The following GAB1 variants were observed in gnomAD, a reference collection of about 807,000 sequenced individuals.
The protein encoded by GAB1 is GRB2 associated binding protein 1, also known as GRB2-associated-binding protein 1.
A neutral mutation model predicts 66.5 loss-of-function variants in GAB1; 19 were observed. The observed-to-expected ratio is 0.29, with a 90% CI of 0.20 to 0.42. The LOEUF (loss-of-function observed/expected upper bound fraction) is 0.42, where lower values mean the gene tolerates loss of function less well. Among genes scored for constraint, GAB1 ranks in the 10% least tolerant of loss-of-function variants. The probability of loss-of-function intolerance (pLI) is 1.00; values close to 1 mark genes in which losing one functional copy is unlikely to be tolerated. For synonymous variants in GAB1, 294 were observed against 301.4 expected, an observed-to-expected ratio of 0.98 and a Z score of 0.25; for missense variants, 732 against 858.5, an observed-to-expected ratio of 0.85 and a Z score of 1.84.
At chr4:143,413,908 C>G (rs887108612) in intron 1 of GAB1, among the ~76,000 whole-genome samples, 2 of 146,096 alleles carry the variant, frequency 1.4e-5, no homozygotes, top group Admixed American at 1.4e-4. Context: ...CTGCAACTGC[C>G]AACTCCGGGT....
At chr4:143,402,444 C>T (rs1399115904) in intron 1 of GAB1, among the ~76,000 whole-genome samples, 1 of 152,130 alleles carries the variant, frequency 6.6e-6, no homozygotes, top group Non-Finnish European at 1.5e-5. Context: ...TATCTGTGTT[C>T]CACTTGACTT....
intron 2 of GAB1, among the ~76,000 whole-genome samples, chr4:143,432,642 T>G (rs1191548339): frequency 6.6e-6 from 1 of 152,236 alleles, no homozygotes; most frequent in Non-Finnish European, 1.5e-5. Context: ...ATTTGCCTTT[T>G]TCTGCATTAT....
intron 4 of GAB1, among the ~76,000 whole-genome samples, chr4:143,439,301 A>G (rs970134582): frequency 4.6e-5 from 7 of 152,200 alleles, no homozygotes; most frequent in African/African-American, 1.7e-4. Flanking sequence ...CACATATCCT[A>G]AACAGTATGT....
chr4:143,337,503 C>T (rs916986591), intron 1 of GAB1, among the ~76,000 whole-genome samples: 2 of 152,238 alleles, frequency 1.3e-5, no homozygotes, highest in Non-Finnish European at 2.9e-5. Context: ...CTTTGCGGGC[C>T]TGTTCGCCCC....
At chr4:143,399,301 T>A (rs1052265301) in intron 1 of GAB1, among the ~76,000 whole-genome samples, 1 of 152,180 alleles carries the variant, frequency 6.6e-6, no homozygotes, top group Non-Finnish European at 1.5e-5. Context: ...AAGGCAATGA[T>A]CAAAAGTCCA....
chr4:143,337,327 G>C (rs1382846793), intron 1 of GAB1, 67 bp downstream of exon 1: 2 of 1,399,234 alleles, frequency 1.4e-6, no homozygotes, highest in African/African-American at 1.4e-5. Context: ...TCGGCTCGCC[G>C]GCGGCTGCAG....
At chr4:143,405,523 C>T (rs571878751) in intron 1 of GAB1, among the ~76,000 whole-genome samples, 20 of 152,174 alleles carry the variant, frequency 1.3e-4, no homozygotes, top group African/African-American at 4.8e-4. Context: ...ATCCATTATA[C>T]CTGAAGGCCA....
At chr4:143,395,367 G>T (rs2149692048) in intron 1 of GAB1, 1 of 154,606 alleles carries the variant, frequency 6.5e-6, no homozygotes, top group Non-Finnish European at 1.4e-5. Context: ...CAGGTTAAAT[G>T]TAATCTTTAT....
intron 1 of GAB1, 119 bp from the exon 2 acceptor site, chr4:143,415,358 C>T: frequency 1.3e-6 from 1 of 782,866 alleles, no homozygotes; most frequent in Non-Finnish European, 2.0e-6. Flanking sequence ...CACACAAACA[C>T]ACACATATTG....
intron 8 of GAB1, among the ~76,000 whole-genome samples, chr4:143,461,905 A>G (rs895987564): frequency 6.6e-6 from 1 of 152,214 alleles, no homozygotes; most frequent in Non-Finnish European, 1.5e-5. Flanking sequence ...GTCAGGAAAC[A>G]TAATTCAGTG....
intron 2 of GAB1, among the ~76,000 whole-genome samples, chr4:143,416,733 C>T (rs1732711655): frequency 6.6e-6 from 1 of 152,168 alleles, no homozygotes. Context: ...ACAATTGCAC[C>T]ATTCCACTCC....
rs544500549 is a variant in GAB1, at chr4:143,450,902, A to C, written c.1586-8483A>C. ...CAAGACTGCATCTCAAAAAAAAAAA[A>C]CAAAAAATGTGTGAGATTGATCAGG... On this transcript the variant is annotated intron_variant, in intron 6 of 9. Transcript: ENST00000262994. 3.4e-3 allele frequency among the ~76,000 whole-genome samples: 510 copies of C among 148,188 alleles called. 3 individuals are homozygous for C. The highest frequency in any genetic ancestry group is 3.8e-3 in the Admixed American group (57 of 14,948).
At chr4:143,440,742 A>G (rs968548276) in intron 6 of GAB1, among the ~76,000 whole-genome samples, 15 of 152,162 alleles carry the variant, frequency 9.9e-5, no homozygotes, top group African/African-American at 3.6e-4. Context: ...TTGTGAAATG[A>G]TGCACCCATG....
chr4:143,371,184 A>G (rs1458162873), intron 1 of GAB1, among the ~76,000 whole-genome samples: 3 of 151,856 alleles, frequency 2.0e-5, no homozygotes, highest in East Asian at 1.9e-4. Flanking sequence ...AAGTGTTCCT[A>G]TTTCTCCACA....
chr4:143,389,920 C>T (rs989647836), intron 1 of GAB1, among the ~76,000 whole-genome samples: 1 of 152,212 alleles, frequency 6.6e-6, no homozygotes, highest in Admixed American at 6.5e-5. Flanking sequence ...ATACATGCCT[C>T]ACTGGCACCT....
At chr4:143,367,818 G>A (rs1379165581) in intron 1 of GAB1, among the ~76,000 whole-genome samples, 3 of 141,772 alleles carry the variant, frequency 2.1e-5, no homozygotes, top group Middle Eastern at 4.4e-3. Context: ...TCTGCCTCCC[G>A]GGTTCAAATA....
chr4:143,406,344 G>A (rs1212311011), intron 1 of GAB1, among the ~76,000 whole-genome samples: 1 of 152,146 alleles, frequency 6.6e-6, no homozygotes, highest in Non-Finnish European at 1.5e-5. Flanking sequence ...GCTCATGGCA[G>A]TGCTCATGGT....
intron 1 of GAB1, chr4:143,349,614 A>G: frequency 6.8e-7 from 1 of 1,470,598 alleles, no homozygotes. Context: ...TCACCTTGCA[A>G]GGGACGGTGT....
chr4:143,433,880 TATTG>T (rs1733806422), intron 3 of GAB1, among the ~76,000 whole-genome samples, 164 bp downstream of exon 3: 1 of 152,240 alleles, frequency 6.6e-6, no homozygotes, highest in Non-Finnish European at 1.5e-5. Flanking sequence ...TACATTCCCC[TATTG>T]ATTTCCGATA....
Sources: allele counts gnomAD v4.1 joint callset (sites outside exome capture counted in the v4.1 genomes callset), GRCh38; gene constraint gnomAD v4.1.1; transcripts MANE v1.5; gene names NCBI Gene and HGNC (gene_info 2026-07-23, HGNC 2026-07-21).